The following ERCC2 variants were observed in gnomAD, a reference collection of about 807,000 sequenced individuals.
ERCC2 encodes ERCC excision repair 2, TFIIH core complex helicase subunit.
ERCC2 carries 90 observed loss-of-function variants against 99.4 expected under a neutral mutation model. The observed-to-expected ratio is 0.91, with a 90% CI of 0.76 to 1.08. The LOEUF is 1.08. Ranked by LOEUF, ERCC2 falls within the 50% of genes least tolerant of loss-of-function variation. The pLI, the probability that ERCC2 is intolerant of heterozygous loss-of-function variation, is 0.00. For missense variants in ERCC2, 993 were observed against 1,038.1 expected, an observed-to-expected ratio of 0.96 and a Z score of 0.60; for synonymous variants, 497 against 432.4, an observed-to-expected ratio of 1.15 and a Z score of -1.85.
In ERCC2 at chr19:45,350,335, C is replaced by T; in HGVS notation, c.*1294G>A. On this transcript the variant is annotated 3_prime_UTR_variant, in exon 23 of 23. Transcript: ENST00000391945. ...GAAAAGTTCCCAGACACTCCCTTCT[C>T]CGCAGGCCTCAGCCTACCTGAAACA... The T allele has an allele frequency of 6.2e-7, 1 of 1,612,868 alleles. No individual in the cohort carries two copies. Among genetic ancestry groups the T allele is most frequent in the South Asian group, 1.1e-5 (1 of 91,042 alleles).
At position 45,351,501 on chromosome 19, in the gene ERCC2, G is replaced by A. The variant is rs572589946; in HGVS notation, c.*128C>T. Reference sequence around the variant, plus strand: ...TAGCTGCCTTCTCCTGCGATTAAAGGCTGTGGACGTGACAGTGAGAAATGT... The same window carrying A: ...TAGCTGCCTTCTCCTGCGATTAAAGACTGTGGACGTGACAGTGAGAAATGT... On this transcript the variant is annotated 3_prime_UTR_variant, in exon 23 of 23. Transcript: ENST00000391945. 4.4e-5 allele frequency: 71 copies of A among 1,595,680 alleles called. No homozygotes were observed. In the African/African-American group the frequency reaches 8.3e-4, roughly 19 times the overall value.
intron 11 of ERCC2, among the ~76,000 whole-genome samples, chr19:45,363,481 C>G (rs145275216): frequency 3.0e-4 from 46 of 152,308 alleles, no homozygotes; most frequent in African/African-American, 1.0e-3. Flanking sequence ...AAATGGTGCT[C>G]CCACTCTCTC....
At chr19:45,356,585 G>T (rs539030989) in intron 15 of ERCC2, among the ~76,000 whole-genome samples, 1 of 152,294 alleles carries the variant, frequency 6.6e-6, no homozygotes, top group South Asian at 2.1e-4. Flanking sequence ...CCAGGCGGGC[G>T]GATCACTTGA....
intron 1 of ERCC2, 21 bp from the exon 2 acceptor site, chr19:45,370,253 G>A: frequency 6.2e-7 from 1 of 1,611,958 alleles, no homozygotes; most frequent in East Asian, 2.2e-5. Flanking sequence ...GGGCTGCTGG[G>A]TCAGTTCCCG....
chr19:45,361,212 C>T (rs1202205114), intron 12 of ERCC2, among the ~76,000 whole-genome samples: 1 of 151,874 alleles, frequency 6.6e-6, no homozygotes, highest in African/African-American at 2.4e-5. Context: ...CTCAGGAGCA[C>T]AAAGATCAAC....
At chr19:45,368,602 A>C in intron 5 of ERCC2, 28 bp downstream of exon 5, 7 of 1,464,862 alleles carry the variant, frequency 4.8e-6, no homozygotes, top group Non-Finnish European at 6.7e-6. Context: ...CTCTGGGCTA[A>C]GGGCAAGGAG....
chr19:45,356,331 T>C (rs1478711248), intron 15 of ERCC2, among the ~76,000 whole-genome samples: 1 of 152,208 alleles, frequency 6.6e-6, no homozygotes, highest in African/African-American at 2.4e-5. Flanking sequence ...CACAAACTCA[T>C]GAAGCAGCAA....
chr19:45,354,986 C>CT, intron 16 of ERCC2, 135 bp from the exon 17 acceptor site: 2 of 1,139,852 alleles, frequency 1.8e-6, no homozygotes, highest in Non-Finnish European at 1.3e-6. Flanking sequence ...CCTCCTCCTC[C>CT]CGGGCGTGTC....
At position 45,352,811 on chromosome 19, in the gene ERCC2, G is replaced by A; in HGVS notation, c.1837C>T (p.His613Tyr). ...AACATGATGACGGCCCGCCCGTAGT[G>A]GTGCACTGGTGGGCAGAGGAGAGGG... ...KVSEGIDFVH[H>Y]YGRAVIMFGV... Residue 613 changes from histidine (H) to tyrosine (Y), a missense_variant, in exon 20 of 23, where the codon CAC (histidine) becomes TAC (tyrosine). His to Tyr is a moderately conservative substitution (Grantham distance 83, BLOSUM62 2). Transcript: ENST00000391945. The A allele has an allele frequency of 3.7e-6, 6 of 1,613,656 alleles. No homozygotes were observed. The highest frequency in any genetic ancestry group is 4.2e-6 in the Non-Finnish European group (5 of 1,179,802).
At chr19:45,369,201 A>C in intron 2 of ERCC2, 54 bp from the exon 3 acceptor site, 1 of 1,490,054 alleles carries the variant, frequency 6.7e-7, no homozygotes, top group Non-Finnish European at 9.4e-7. Context: ...CCTTGGGCAC[A>C]CAAACTCTGG....
chr19:45,359,702 T>C (rs1416061783), intron 12 of ERCC2, among the ~76,000 whole-genome samples: 1 of 151,940 alleles, frequency 6.6e-6, no homozygotes, highest in Non-Finnish European at 1.5e-5. Context: ...GGCCACATCC[T>C]GGCCAAGGCC....
chr19:45,366,904 G>A (rs924736102), intron 5 of ERCC2, among the ~76,000 whole-genome samples: 1 of 152,182 alleles, frequency 6.6e-6, no homozygotes, highest in East Asian at 1.9e-4. Context: ...GCGTGGTGGT[G>A]GGTGCCTGTA....
intron 1 of ERCC2, 79 bp downstream of exon 1, chr19:45,370,457 C>G: frequency 6.6e-7 from 1 of 1,520,178 alleles, no homozygotes; most frequent in South Asian, 1.2e-5. Flanking sequence ...CCTTGGGGAC[C>G]CAGGCGCGCC....
In ERCC2 at chr19:45,351,328, GCCAGCAC is replaced by G. The variant is rs752472530; in HGVS notation, c.*294_*300del. On this transcript the variant is annotated 3_prime_UTR_variant, in exon 23 of 23. Transcript: ENST00000391945. ...GGACAAGGCCCCTCGGACCCTCAGC[GCCAGCAC>G]CCAGGACCTGAGCCCCCACTAACGT... 3.1e-6 allele frequency: 5 copies of G among 1,611,906 alleles called. No individual in the cohort carries two copies. The highest frequency in any genetic ancestry group is 4.2e-6 in the Non-Finnish European group (5 of 1,180,002).
chr19:45,364,386 G>A lies in ERCC2; in HGVS notation c.718+38C>T, dbSNP rs914244488. On this transcript the variant is annotated intron_variant, in intron 8 of 22. Coordinates refer to ENST00000391945, the MANE Select transcript of ERCC2 (RefSeq NM_000400.4). ...CAGGCCTGCAGGGGCCTCACTCAGA[G>A]GGGCTGGCATCCCTTTGGCCCCTGG... 5.6e-6 allele frequency: 9 copies of A among 1,613,906 alleles called. No homozygotes were observed. In the South Asian group the frequency reaches 8.8e-5, roughly 16 times the overall value.
intron 5 of ERCC2, among the ~76,000 whole-genome samples, chr19:45,367,819 A>G (rs947374073): frequency 2.0e-5 from 3 of 151,906 alleles, no homozygotes; most frequent in Admixed American, 2.0e-4. Flanking sequence ...AGCCAAGTAC[A>G]ATGATTTTAT....
At chr19:45,362,742 C>T (rs1972268862) in intron 11 of ERCC2, among the ~76,000 whole-genome samples, 1 of 152,362 alleles carries the variant, frequency 6.6e-6, no homozygotes, top group South Asian at 2.1e-4. Flanking sequence ...CCTCTTTGCC[C>T]TCACAAGTCT....
rs774329591 is a variant in ERCC2, at chr19:45,354,713, G to T, written c.1665+17C>A. The T allele has an allele frequency of 6.2e-6, 10 of 1,613,296 alleles. No homozygotes were observed. The highest frequency in any genetic ancestry group is 3.3e-5 in the South Asian group (3 of 91,056). ...GACTGAGGAGAGCAGGTGCAGGGAG[G>T]GGGTGGCCAGGCGTACCTGCTCATA... On this transcript the variant is annotated intron_variant, in intron 17 of 22. Transcript: ENST00000391945.
In ERCC2 at chr19:45,364,011, G is replaced by A. The variant is rs1004365363; in HGVS notation, c.924C>T (p.Pro308=). 44 of 1,548,148 alleles carry A rather than the reference G, an allele frequency of 2.8e-5. No individual in the cohort carries two copies. The highest frequency in any genetic ancestry group is 1.5e-4 in the African/African-American group (11 of 73,218). ...CCTGCAGCACTTCGTCGGGCAGCAC[G>A]GGGTTGGCCAGGTGGGCGTCCGTCT... The part of the protein sequence containing the change: ...ARETDAHLAN[P]VLPDEVLQEA... The change falls in exon 10 of 23, where the codon CCC becomes CCT. Residue 308 remains proline, a synonymous_variant. Transcript: ENST00000391945.
Sources: allele counts gnomAD v4.1 joint callset (sites outside exome capture counted in the v4.1 genomes callset), GRCh38; gene constraint gnomAD v4.1.1; transcripts MANE v1.5; gene names NCBI Gene and HGNC (gene_info 2026-07-23, HGNC 2026-07-21).